The following SLC35D4 variants were observed in gnomAD, a reference collection of about 807,000 sequenced individuals.
SLC35D4 encodes UDP-N-acetylglucosamine transporter SLC35D4.
chr18:23,266,512 C>T, the SLC35D4 span, among the ~76,000 whole-genome samples: 3 of 152,134 alleles, frequency 2.0e-5, no homozygotes, highest in Admixed American at 1.3e-4. Flanking sequence ...GATTCCATTC[C>T]GTTCTTGTCC....
the SLC35D4 span, among the ~76,000 whole-genome samples, chr18:23,341,643 T>G: frequency 6.6e-6 from 1 of 152,232 alleles, no homozygotes; most frequent in Non-Finnish European, 1.5e-5. Flanking sequence ...TTTGTCGTAT[T>G]TCAAATGTCA....
chr18:23,328,349 C>T, the SLC35D4 span, among the ~76,000 whole-genome samples: 3 of 152,072 alleles, frequency 2.0e-5, no homozygotes, highest in African/African-American at 4.8e-5. Context: ...AAGCAACTTC[C>T]GGAAAGTCTC....
At chr18:23,364,902 C>A in the SLC35D4 span, among the ~76,000 whole-genome samples, 7 of 31,872 alleles carry the variant, frequency 2.2e-4, no homozygotes, top group African/African-American at 7.2e-4. Flanking sequence ...GACTCTGTCT[C>A]AAAAAAAAAA....
chr18:23,415,037 A>G, the SLC35D4 span, among the ~76,000 whole-genome samples: 45 of 152,288 alleles, frequency 3.0e-4, no homozygotes, highest in Admixed American at 1.8e-3. Flanking sequence ...TCTTAAACCT[A>G]GGAGTTGCAG....
chr18:23,318,199 G>T, the SLC35D4 span, among the ~76,000 whole-genome samples: 1 of 152,172 alleles, frequency 6.6e-6, no homozygotes, highest in African/African-American at 2.4e-5. Flanking sequence ...ATGACACTAA[G>T]CATCTTTTTC....
chr18:23,409,792 C>T, the SLC35D4 span, among the ~76,000 whole-genome samples: 1 of 150,408 alleles, frequency 6.6e-6, no homozygotes, highest in South Asian at 2.1e-4. Flanking sequence ...TGCAGTGAGC[C>T]GAGATCGCAC....
the SLC35D4 span, among the ~76,000 whole-genome samples, chr18:23,239,141 T>TGTATGTGC: frequency 5.3e-5 from 8 of 152,264 alleles, no homozygotes; most frequent in Non-Finnish European, 1.0e-4. Context: ...GCAGTATGTG[T>TGTATGTGC]GTATGTGCGT....
chr18:23,382,239 CAAAAAAAAAAA>C, the SLC35D4 span, among the ~76,000 whole-genome samples: 5 of 75,704 alleles, frequency 6.6e-5, no homozygotes, highest in South Asian at 1.1e-3. Flanking sequence ...GACTCAGTCT[CAAAAAAAAAAA>C]AAAAAAAAGA....
At chr18:23,436,194 A>G in the SLC35D4 span, among the ~76,000 whole-genome samples, 1 of 151,292 alleles carries the variant, frequency 6.6e-6, no homozygotes, top group Admixed American at 6.6e-5. Flanking sequence ...CGCCTGGCTA[A>G]TTTTTGTATT....
At chr18:23,273,893 G>T in the SLC35D4 span, among the ~76,000 whole-genome samples, 3 of 152,024 alleles carry the variant, frequency 2.0e-5, no homozygotes. Context: ...CCATTTAATT[G>T]TTTCAACAAA....
the SLC35D4 span, among the ~76,000 whole-genome samples, chr18:23,315,030 G>A: frequency 6.6e-6 from 1 of 152,104 alleles, no homozygotes; most frequent in Non-Finnish European, 1.5e-5. Flanking sequence ...GGTGGTGGGG[G>A]GTGTTGTAAG....
At chr18:23,320,247 CT>C in the SLC35D4 span, among the ~76,000 whole-genome samples, 5 of 152,006 alleles carry the variant, frequency 3.3e-5, no homozygotes, top group East Asian at 9.6e-4. Context: ...TTCTACTGAC[CT>C]TGAGTTCACC....
chr18:23,260,443 AC>A, the SLC35D4 span: 4 of 152,154 alleles, frequency 2.6e-5, no homozygotes, highest in East Asian at 7.8e-4. Context: ...TCATTCCCCA[AC>A]AGCAAATAAA....
At chr18:23,411,697 C>T in the SLC35D4 span, among the ~76,000 whole-genome samples, 1 of 152,134 alleles carries the variant, frequency 6.6e-6, no homozygotes, top group African/African-American at 2.4e-5. Flanking sequence ...ACAAATACTG[C>T]ATCTTGTTTG....
At chr18:23,385,638 G>C in the SLC35D4 span, among the ~76,000 whole-genome samples, 1 of 152,156 alleles carries the variant, frequency 6.6e-6, no homozygotes. Flanking sequence ...ATGAGGAAGG[G>C]GGACGTGAGG....
chr18:23,291,193 G>A, the SLC35D4 span, among the ~76,000 whole-genome samples: 1 of 152,184 alleles, frequency 6.6e-6, no homozygotes, highest in African/African-American at 2.4e-5. Flanking sequence ...TCTGGGCTGA[G>A]GTCAGCTGCA....
chr18:23,311,002 G>A, the SLC35D4 span, among the ~76,000 whole-genome samples: 1 of 152,088 alleles, frequency 6.6e-6, no homozygotes, highest in Non-Finnish European at 1.5e-5. Context: ...TAGGGAAAGA[G>A]ATTTCTCTAA....
the SLC35D4 span, among the ~76,000 whole-genome samples, chr18:23,269,660 G>C: frequency 6.6e-6 from 1 of 152,216 alleles, no homozygotes; most frequent in Non-Finnish European, 1.5e-5. Flanking sequence ...CTAGAGACGT[G>C]TTGAATGGTT....
the SLC35D4 span, among the ~76,000 whole-genome samples, chr18:23,256,873 A>C: frequency 2.6e-5 from 4 of 152,234 alleles, no homozygotes; most frequent in Admixed American, 6.5e-5. Flanking sequence ...TTAGTGCTGC[A>C]ATTGGCTACA....
Sources: allele counts gnomAD v4.1 joint callset (sites outside exome capture counted in the v4.1 genomes callset), GRCh38; gene constraint gnomAD v4.1.1; transcripts MANE v1.5; gene names NCBI Gene and HGNC (gene_info 2026-07-23, HGNC 2026-07-21).